Variants in SCUBE3 observed in about 807,000 individuals in gnomAD.
SCUBE3 encodes the protein signal peptide, CUB domain and EGF like domain containing 3.
Under a neutral mutation model 116.8 loss-of-function variants are expected in SCUBE3, and 33 were observed. The ratio of observed to expected loss-of-function variants is 0.28; its 90% CI spans 0.21 to 0.38. SCUBE3 has a LOEUF of 0.38. Among genes scored for constraint, SCUBE3 ranks in the 10% least tolerant of loss-of-function variants. The pLI, the probability that SCUBE3 is intolerant of heterozygous loss-of-function variation, is 1.00. For synonymous variants in SCUBE3, 418 were observed against 496.9 expected (o/e 0.84, Z 2.11); for missense variants, 1,007 against 1,324.8 (o/e 0.76, Z 3.72).
chr6:35,242,061 C>G (rs1784089417), intron 12 of SCUBE3, 143 bp from the exon 13 acceptor site: 1 of 841,246 alleles, frequency 1.2e-6, no homozygotes, highest in African/African-American at 1.7e-5. Flanking sequence ...TCCCTCTGCC[C>G]TAACATCTGA....
In SCUBE3 at chr6:35,228,609, C is replaced by T; in HGVS notation, c.209-5C>T. 2 of 1,613,552 alleles carry T rather than the reference C, an allele frequency of 1.2e-6. No homozygotes were observed. The highest frequency in any genetic ancestry group is 1.7e-6 in the Non-Finnish European group (2 of 1,179,694). Reference sequence around the variant, plus strand: ...TCAGCTGTCTCAGCTTCCCTTTGCCCACAGACGTGGATGAGTGCGAGCGAG... The same window carrying T: ...TCAGCTGTCTCAGCTTCCCTTTGCCTACAGACGTGGATGAGTGCGAGCGAG... On this transcript the variant is annotated splice_polypyrimidine_tract_variant and splice_region_variant and intron_variant, in intron 2 of 21. Transcript: ENST00000274938. The surrounding 1 kb of genome is among the most constrained non-coding windows in gnomAD (Gnocchi z 4.9).
At position 35,244,794 on chromosome 6, in the gene SCUBE3, G is replaced by C; in HGVS notation, c.2384G>C (p.Ser795Thr). Residue 795 changes from serine to threonine, a missense_variant, in exon 18 of 22, where the codon AGT (serine) becomes ACT (threonine). Around this residue, in one of 5 missense-constraint regions of SCUBE3, gnomAD observed 544 missense variants for 638.9 expected, o/e 0.85. Coordinates refer to ENST00000274938, the MANE Select transcript of SCUBE3 (RefSeq NM_152753.4). This position sits in a 1 kb window ranked among gnomAD's most constrained non-coding sequence, Gnocchi z 4.3. Reference sequence around the variant, plus strand: ...AGCACAGACTTTGATGGCTCTACCAGTGTGGCCCAATGCAAGAGTACGTGG... The same window carrying C: ...AGCACAGACTTTGATGGCTCTACCACTGTGGCCCAATGCAAGAGTACGTGG... Reference protein sequence around the residue: ...NTSTDFDGSTSVAQCKNRQCG... With the variant: ...NTSTDFDGSTTVAQCKNRQCG... The C allele has an allele frequency of 6.2e-7, 1 of 1,614,232 alleles. No individual in the cohort carries two copies. The highest frequency in any genetic ancestry group is 8.5e-7 in the Non-Finnish European group (1 of 1,180,036).
chr6:35,226,159 C>T (rs574915848), intron 1 of SCUBE3, among the ~76,000 whole-genome samples: 2 of 152,316 alleles, frequency 1.3e-5, no homozygotes, highest in Non-Finnish European at 2.9e-5. Context: ...GATGGCCCGG[C>T]ACCAGTCCAG....
intron 6 of SCUBE3, among the ~76,000 whole-genome samples, chr6:35,236,763 C>T (rs1259902427): frequency 6.6e-6 from 1 of 152,176 alleles, no homozygotes; most frequent in Admixed American, 6.5e-5. Context: ...TCCCTTGATT[C>T]TGAGAACCAT....
chr6:35,230,492 C>G (rs572602628), intron 3 of SCUBE3, among the ~76,000 whole-genome samples: 1 of 152,222 alleles, frequency 6.6e-6, no homozygotes, highest in Admixed American at 6.5e-5. Flanking sequence ...CCTTAGCTTC[C>G]CCACTGAGAA....
chr6:35,242,598 G>A (rs371764400), intron 13 of SCUBE3, 24 bp from the exon 14 acceptor site: 10 of 1,597,988 alleles, frequency 6.3e-6, no homozygotes, highest in South Asian at 1.1e-5. Context: ...GATGTCCCTG[G>A]GGTTGACAAG....
rs9469971 is a variant in SCUBE3, at chr6:35,241,577, G to A, written c.1230G>A (p.Ser410=). 38 of 1,614,146 alleles carry A rather than the reference G, an allele frequency of 2.4e-5. No homozygotes were observed. The highest frequency in any genetic ancestry group is 2.1e-4 in the African/African-American group (16 of 75,034). The change falls in exon 11 of 22, where the codon TCG becomes TCA. Residue 410 remains serine, a synonymous_variant. Transcript: ENST00000274938. The surrounding 1 kb of genome is among the most constrained non-coding windows in gnomAD (Gnocchi z 4.1). ...PLKCQGSPGA[S]KAMLSCNRSG... is the part of the protein sequence containing the mutation. ...AGTGTCAGGGCAGTCCTGGGGCCTC[G>A]AAAGCCATGCTCAGCTGCAACCGGT...
At chr6:35,238,836 G>A (rs1370561951) in intron 7 of SCUBE3, among the ~76,000 whole-genome samples, 1 of 152,158 alleles carries the variant, frequency 6.6e-6, no homozygotes, top group Non-Finnish European at 1.5e-5. Context: ...CACAAGGAGT[G>A]GGGACGAGGA....
In SCUBE3 at chr6:35,248,631, A is replaced by G. The variant is rs1323136743; in HGVS notation, c.2908A>G (p.Lys970Glu). ...CTACTTCAAGTACACAGAGAAACACAAGGAGATGCTGCCAAAATCCTTCAT... is the reference window on the plus strand; with the variant it reads ...CTACTTCAAGTACACAGAGAAACACGAGGAGATGCTGCCAAAATCCTTCAT... ...QNYFKYTEKHKEMLPKSFIKL... is the reference protein window; with the variant it reads ...QNYFKYTEKHEEMLPKSFIKL... Residue 970 changes from lysine (K) to glutamate (E), a missense_variant, in exon 22 of 22, where the codon AAG becomes GAG. Transcript: ENST00000274938. 9 of 1,613,908 alleles carry G rather than the reference A, an allele frequency of 5.6e-6. No individual in the cohort carries two copies. The highest frequency in any genetic ancestry group is 5.9e-6 in the Non-Finnish European group (7 of 1,179,970).
chr6:35,243,130 A>G lies in SCUBE3; in HGVS notation c.1803A>G (p.Ala601=), dbSNP rs754145946. The G allele has an allele frequency of 6.2e-7, 1 of 1,614,198 alleles. No individual in the cohort carries two copies. Among genetic ancestry groups the G allele is most frequent in the South Asian group, 1.1e-5 (1 of 91,084 alleles). The change falls in exon 15 of 22, where the codon GCA becomes GCG. Residue 601 remains alanine, a synonymous_variant. Transcript: ENST00000274938. This position sits in a 1 kb window ranked among gnomAD's most constrained non-coding sequence, Gnocchi z 6.6. ...INQDRFLLRL[A]GLDYELAHKP... is the part of the protein sequence containing the mutation. ...AGGACCGCTTCCTGCTGCGCCTGGC[A>G]GGCCTTGATTATGAGCTGGCCCACA...
chr6:35,232,723 C>G lies in SCUBE3; in HGVS notation c.470-127C>G, dbSNP rs1004829971. ...GAGGCCTGGGACAAGGAGAGTCAGT[C>G]CCCTCGTGTTGAATTCAACCTCAGT... On this transcript the variant is annotated intron_variant, in intron 4 of 21. Transcript: ENST00000274938. This position sits in a 1 kb window ranked among gnomAD's most constrained non-coding sequence, Gnocchi z 4.2. The G allele has an allele frequency of 2.3e-6, 2 of 882,938 alleles. No homozygotes were observed. Among genetic ancestry groups the G allele is most frequent in the African/African-American group, 3.3e-5 (2 of 59,952 alleles). The allele number at this position is 882,938 out of a possible 1,614,324, so 54.7% of individuals were successfully genotyped here. A position where few individuals can be genotyped will look rare whatever the true frequency, so the allele number is the denominator to read the frequency against.
chr6:35,215,434 C>T (rs1341124334), intron 1 of SCUBE3, among the ~76,000 whole-genome samples: 2 of 152,158 alleles, frequency 1.3e-5, no homozygotes, highest in Non-Finnish European at 2.9e-5. Flanking sequence ...ACCCCTCCCC[C>T]ATCGTGTCCT....
Position 35,227,683 on chromosome 6 carries a change from G to A in SCUBE3, c.189G>A (p.Gly63=). The A allele has an allele frequency of 1.9e-6, 3 of 1,614,128 alleles. No homozygotes were observed. Among genetic ancestry groups the A allele is most frequent in the Non-Finnish European group, 2.5e-6 (3 of 1,180,018 alleles). ...GCATCTGCAAGTCTGGCTACACAGG[G>A]GACGGCAAACACTGCAAAGGTGAGG... The part of the protein sequence containing the change: ...YKCICKSGYT[G]DGKHCKDVDE... Residue 63 remains glycine, a synonymous_variant, in exon 2 of 22, where the codon GGG becomes GGA. Transcript: ENST00000274938.
intron 1 of SCUBE3, among the ~76,000 whole-genome samples, chr6:35,217,241 GGGGAGGCGCGGCGGGGGGGGGGGT>G (rs1782946011): frequency 2.9e-4 from 4 of 13,740 alleles, no homozygotes; most frequent in African/African-American, 6.3e-4. Context: ...GGGGGGCGGG[GGGGAGGCGCGGCGGGGGGGGGGGT>G]GTGTGCAGCA....
At chr6:35,237,786 C>T in intron 6 of SCUBE3, 116 bp from the exon 7 acceptor site, 2 of 648,648 alleles carry the variant, frequency 3.1e-6, no homozygotes, top group Middle Eastern at 2.6e-4. Flanking sequence ...CCTTCTAAAG[C>T]ACAGAGAGGC....
Position 35,233,248 on chromosome 6 carries a change from G to C in SCUBE3, c.659G>C (p.Arg220Pro). 1 of 1,613,550 alleles carries C rather than the reference G, an allele frequency of 6.2e-7. No individual in the cohort carries two copies. Among genetic ancestry groups the C allele is most frequent in the Non-Finnish European group, 8.5e-7 (1 of 1,179,794 alleles). Residue 220 changes from arginine (R) to proline (P), a missense_variant, in exon 6 of 22, where the codon CGG becomes CCG. Coordinates refer to ENST00000274938, the MANE Select transcript of SCUBE3 (RefSeq NM_152753.4). The surrounding 1 kb of genome is among the most constrained non-coding windows in gnomAD (Gnocchi z 5.7). ...TGTGATGACACAGAGCAGGGTCCCC[G>C]GTGCGGCTGCCATATCAAGTTTGTG... is the stretch of plus-strand genomic sequence containing the variant. ...HTCDDTEQGP[R>P]CGCHIKFVLH...
rs886199375 is a variant in SCUBE3 at position 35,251,457 on chromosome 6, A to G, written c.*2752A>G. On this transcript the variant is annotated 3_prime_UTR_variant, in exon 22 of 22. Transcript: ENST00000274938. ...TGAGCCACCGCGCCCAGCCTAGGATAACTTTCTGATTCCTCTCTGCCAGCC... is the reference window on the plus strand; with the variant it reads ...TGAGCCACCGCGCCCAGCCTAGGATGACTTTCTGATTCCTCTCTGCCAGCC... 6.6e-6 allele frequency: 1 copy of G among 152,158 alleles called. No homozygotes were observed. The highest frequency in any genetic ancestry group is 2.4e-5 in the African/African-American group (1 of 41,436). 9.4% of individuals were successfully genotyped at this position (152,158 alleles called of 1,614,324 possible).
At position 35,232,457 on chromosome 6, in the gene SCUBE3, T is replaced by C. The variant is rs964398769; in HGVS notation, c.470-393T>C. Among the ~76,000 whole-genome samples the C allele has an allele frequency of 6.6e-6, 1 of 151,666 alleles. No homozygotes were observed. The highest frequency in any genetic ancestry group is 2.4e-5 in the African/African-American group (1 of 41,296). On this transcript the variant is annotated intron_variant, in intron 4 of 21. Transcript: ENST00000274938. This position sits in a 1 kb window ranked among gnomAD's most constrained non-coding sequence, Gnocchi z 4.2. ...TTGTAGATCTGATTGCTACTGATCTTCTTCCCAGTTTGACTGTAAGCTCTT... is the reference window on the plus strand; with the variant it reads ...TTGTAGATCTGATTGCTACTGATCTCCTTCCCAGTTTGACTGTAAGCTCTT...
In SCUBE3 at chr6:35,243,012, C is replaced by T. The variant is rs1045364863; in HGVS notation, c.1694-9C>T. ...CTCCTCCCTGATACACACGGCCATC[C>T]ACCACCAGCCAGCTGTGGGCTGCCC... On this transcript the variant is annotated splice_polypyrimidine_tract_variant and intron_variant, in intron 14 of 21. Transcript: ENST00000274938. This position sits in a 1 kb window ranked among gnomAD's most constrained non-coding sequence, Gnocchi z 6.6. 2.5e-6 allele frequency: 4 copies of T among 1,613,088 alleles called. No individual in the cohort carries two copies. Among genetic ancestry groups the T allele is most frequent in the Middle Eastern group, 3.3e-4 (2 of 6,060 alleles).
Sources: allele counts gnomAD v4.1 joint callset (sites outside exome capture counted in the v4.1 genomes callset), GRCh38; gene constraint gnomAD v4.1.1; regional missense constraint gnomAD v4.1.1; non-coding constraint Gnocchi (gnomAD v3.1); transcripts MANE v1.5; gene names NCBI Gene and HGNC (gene_info 2026-07-23, HGNC 2026-07-21).